The following VRK2 variants were observed in gnomAD, a reference collection of about 807,000 sequenced individuals.
The protein encoded by VRK2 is serine/threonine-protein kinase VRK2.
VRK2 carries 60 observed loss-of-function variants against 57.6 expected under a neutral mutation model. That is an observed-to-expected ratio of 1.04 (90% confidence interval 0.85 to 1.29). VRK2 has a LOEUF of 1.29. Among genes scored for constraint, VRK2 ranks in the 50% most tolerant of loss-of-function variants. The probability of loss-of-function intolerance (pLI) is 0.00; values close to 1 mark genes in which losing one functional copy is unlikely to be tolerated. For synonymous variants in VRK2, 231 were observed against 199.2 expected, an observed-to-expected ratio of 1.16 and a Z score of -1.35; for missense variants, 705 against 588.1, an observed-to-expected ratio of 1.20 and a Z score of -2.06.
rs143194876 is a variant in VRK2 at position 58,133,857 on chromosome 2, C to T, written c.798-1284C>T. Among the ~76,000 whole-genome samples, 600 of 152,096 alleles carry T rather than the reference C, an allele frequency of 3.9e-3. 1 individual carries two copies. Among genetic ancestry groups the T allele is most frequent in the Non-Finnish European group, 6.9e-3 (466 of 68,008 alleles). ...CATATATACTTAGATACAATGTTTG[C>T]GTGAATTTTTTATTGTTGTTTTTGA... On this transcript the variant is annotated intron_variant, in intron 9 of 12. Transcript: ENST00000340157.
rs1439763818 is a variant in VRK2 at position 58,159,652 on chromosome 2, G to C, written c.1486G>C (p.Val496Leu). ...DVYYYRIIIP[V>L]LLMLVFLALF... ...TTATTATTATCGCATCATCATACCT[G>C]TCCTTTTGATGTTAGTATTTCTTGC... Residue 496 changes from valine (V) to leucine (L), a missense_variant, in exon 13 of 13, where the codon GTC (valine) becomes CTC (leucine). Physicochemically the swap from Val to Leu is conservative, Grantham distance 32. Coordinates refer to ENST00000340157, the MANE Select transcript of VRK2 (RefSeq NM_006296.7). 1.9e-6 allele frequency: 3 copies of C among 1,613,506 alleles called. No individual in the cohort carries two copies. In the South Asian group the frequency reaches 3.3e-5, roughly 18 times the overall value.
intron 7 of VRK2, among the ~76,000 whole-genome samples, chr2:58,101,876 A>C (rs1312285112): frequency 1.3e-5 from 2 of 151,724 alleles, no homozygotes; most frequent in Non-Finnish European, 3.0e-5. Flanking sequence ...GCTGTTATAG[A>C]GCATGAAACA....
intron 1 of VRK2, among the ~76,000 whole-genome samples, chr2:57,996,903 TC>T (rs933210600): frequency 6.6e-6 from 1 of 152,096 alleles, no homozygotes; most frequent in African/African-American, 2.4e-5. Context: ...TCATTTTTTT[TC>T]CTGTTGTACT....
chr2:58,014,889 G>T (rs781322606), intron 1 of VRK2, among the ~76,000 whole-genome samples: 44 of 152,088 alleles, frequency 2.9e-4, no homozygotes, highest in Non-Finnish European at 4.3e-4. Flanking sequence ...AAGGTATCAA[G>T]AAGGAACAGA....
intron 1 of VRK2, among the ~76,000 whole-genome samples, chr2:57,944,359 C>T (rs1479390678): frequency 6.6e-6 from 1 of 152,152 alleles, no homozygotes; most frequent in African/African-American, 2.4e-5. Context: ...TAAGAGAGCA[C>T]TTTAGCTATG....
intron 7 of VRK2, among the ~76,000 whole-genome samples, chr2:58,108,967 T>G (rs1675153448): frequency 6.6e-6 from 1 of 152,234 alleles, no homozygotes; most frequent in African/African-American, 2.4e-5. Context: ...CTTAGGGTCA[T>G]GAGGATTAAA....
chr2:58,114,815 A>G (rs1676171107), intron 7 of VRK2, among the ~76,000 whole-genome samples: 1 of 152,196 alleles, frequency 6.6e-6, no homozygotes, highest in African/African-American at 2.4e-5. Context: ...AAGGGAAGAA[A>G]TGACTGTGGT....
intron 1 of VRK2, among the ~76,000 whole-genome samples, chr2:57,999,769 T>C (rs960244672): frequency 2.6e-5 from 4 of 152,224 alleles, no homozygotes; most frequent in Admixed American, 6.5e-5. Context: ...AAATCATACA[T>C]ACTAAAACAT....
intron 12 of VRK2, 31 bp from the exon 13 acceptor site, chr2:58,159,318 A>T: frequency 6.6e-7 from 1 of 1,523,462 alleles, no homozygotes; most frequent in Non-Finnish European, 8.9e-7. Flanking sequence ...CACGTCTAAC[A>T]AACTAAACTA....
At chr2:57,919,676 C>T (rs1210106555) in intron 1 of VRK2, among the ~76,000 whole-genome samples, 3 of 152,024 alleles carry the variant, frequency 2.0e-5, no homozygotes, top group African/African-American at 4.8e-5. Flanking sequence ...TTATATTTTT[C>T]CTTAGCACAT....
At chr2:58,080,263 G>C (rs1031091463) in intron 2 of VRK2, among the ~76,000 whole-genome samples, 1 of 151,746 alleles carries the variant, frequency 6.6e-6, no homozygotes, top group Admixed American at 6.6e-5. Context: ...TTAATAATAT[G>C]CCTTGGTATT....
chr2:58,039,009 A>G (rs1001182744), intron 3 of VRK2, among the ~76,000 whole-genome samples: 1 of 152,188 alleles, frequency 6.6e-6, no homozygotes, highest in African/African-American at 2.4e-5. Flanking sequence ...GAAGACATGT[A>G]CAACTGGAAT....
chr2:57,965,830 C>T (rs535029599), intron 1 of VRK2, among the ~76,000 whole-genome samples: 1 of 152,184 alleles, frequency 6.6e-6, no homozygotes, highest in East Asian at 1.9e-4. Flanking sequence ...ACCAGCCAGA[C>T]TTCATTGGTC....
At position 57,964,904 on chromosome 2, in the gene VRK2, A is replaced by C. The variant is rs893444660; in HGVS notation, c.-439+57065A>C. On this transcript the variant is annotated intron_variant, in intron 1 of 15. Transcript: ENST00000417641. ...CAAAAAAAAAAAAAAAAAAAAAAAA[A>C]AAAACTGTCACTATAATGTGAGGTG... is the stretch of plus-strand genomic sequence containing the variant. Among the ~76,000 whole-genome samples, 6 of 151,160 alleles carry C rather than the reference A, an allele frequency of 4.0e-5. 1 individual carries two copies. Among genetic ancestry groups the C allele is most frequent in the African/African-American group, 1.5e-4 (6 of 41,058 alleles).
intron 12 of VRK2, 193 bp from the exon 13 acceptor site, chr2:58,159,156 G>C (rs1684606083): frequency 2.2e-6 from 1 of 448,360 alleles, no homozygotes. Context: ...AGATTTGCTT[G>C]TTGGATGTTT....
intron 7 of VRK2, among the ~76,000 whole-genome samples, chr2:58,118,370 G>A (rs1676858079): frequency 6.6e-6 from 1 of 152,312 alleles, no homozygotes; most frequent in East Asian, 1.9e-4. Flanking sequence ...GTCCCAGTCC[G>A]TGACCGGCAC....
In VRK2 at chr2:58,064,678, A is replaced by G. The variant is rs571975859; in HGVS notation, c.136+15711A>G. Among the ~76,000 whole-genome samples, 30 of 152,246 alleles carry G rather than the reference A, an allele frequency of 2.0e-4. 1 individual carries two copies. The South Asian group carries it at 6.0e-3, about 30-fold the overall frequency. ...GTATCTCCAAAATATCAGGATTCCA[A>G]GAAACATTCCATTACTAAAAGAGTT... On this transcript the variant is annotated intron_variant, in intron 2 of 12. Transcript: ENST00000340157.
At chr2:58,117,145 C>G (rs1005709152) in intron 7 of VRK2, among the ~76,000 whole-genome samples, 7 of 152,028 alleles carry the variant, frequency 4.6e-5, no homozygotes, top group African/African-American at 1.7e-4. Context: ...GCCTTTTGAC[C>G]TTTTAGGGTC....
chr2:58,049,720 CACTTGAG>C (rs1382104911), intron 2 of VRK2, among the ~76,000 whole-genome samples: 1 of 152,128 alleles, frequency 6.6e-6, no homozygotes, highest in African/African-American at 2.4e-5. Flanking sequence ...TAAATGTACT[CACTTGAG>C]ACTTGAGATC....
Sources: allele counts gnomAD v4.1 joint callset (sites outside exome capture counted in the v4.1 genomes callset), GRCh38; gene constraint gnomAD v4.1.1; transcripts MANE v1.5; gene names NCBI Gene and HGNC (gene_info 2026-07-23, HGNC 2026-07-21).